FKTN: variants seen among roughly 807,000 people sequenced by gnomAD.
FKTN encodes fukutin, also known as ribitol-5-phosphate transferase FKTN.
In FKTN, 47 loss-of-function variants were observed where a neutral mutation model predicts 58.6. The observed-to-expected ratio is 0.80, with a 90% CI of 0.63 to 1.02. FKTN has a LOEUF of 1.02. Among genes scored for constraint, FKTN ranks in the 50% least tolerant of loss-of-function variants. FKTN has a pLI of 0.00. For synonymous variants in FKTN, 178 were observed against 191.9 expected (o/e 0.93, Z 0.60); for missense variants, 516 against 537.3 (o/e 0.96, Z 0.39).
intron 1 of FKTN, among the ~76,000 whole-genome samples, chr9:105,564,240 C>T (rs1838917018): frequency 6.6e-6 from 1 of 152,166 alleles, no homozygotes; most frequent in Non-Finnish European, 1.5e-5. Context: ...AATCAGAGCA[C>T]CTCTCCTCCT....
rs1588334591 is a variant in FKTN, at chr9:105,639,798, A to G, written c.*4534A>G. On this transcript the variant is annotated 3_prime_UTR_variant, in exon 11 of 11. Transcript: ENST00000357998. ...TTTCTTGGTTAAGCAGTTGTCTCCT[A>G]ATATTATCCCATATGCTACCTAGTT... The G allele has an allele frequency of 2.6e-6, 3 of 1,174,634 alleles. No homozygotes were observed. In the East Asian group the frequency reaches 1.3e-4, roughly 49 times the overall value. The allele number at this position is 1,174,634 out of a possible 1,614,324, so 72.8% of individuals were successfully genotyped here.
At chr9:105,598,940 C>G (rs1378423473) in intron 4 of FKTN, among the ~76,000 whole-genome samples, 1 of 152,020 alleles carries the variant, frequency 6.6e-6, no homozygotes, top group Non-Finnish European at 1.5e-5. Context: ...AAGACACACA[C>G]ACACACACAC....
chr9:105,560,156 TTA>T (rs1288570795), intron 1 of FKTN, among the ~76,000 whole-genome samples: 4 of 152,212 alleles, frequency 2.6e-5, no homozygotes, highest in Non-Finnish European at 5.9e-5. Context: ...CAACAAATAT[TTA>T]TATGTTTCAA....
At chr9:105,626,976 T>G (rs1385434387) in intron 10 of FKTN, among the ~76,000 whole-genome samples, 1 of 126,338 alleles carries the variant, frequency 7.9e-6, no homozygotes, top group African/African-American at 3.2e-5. Flanking sequence ...CCTTTCTTCT[T>G]TATTCTTTTT....
intron 3 of FKTN, among the ~76,000 whole-genome samples, chr9:105,593,039 G>A (rs779293154): frequency 2.6e-5 from 4 of 152,118 alleles, no homozygotes; most frequent in Non-Finnish European, 5.9e-5. Context: ...GTCTGTTCTC[G>A]AATTGCTATA....
rs1179427527 is a variant in FKTN, at chr9:105,615,405, T to C, written c.908T>C (p.Leu303Pro). The C allele has an allele frequency of 6.2e-7, 1 of 1,613,936 alleles. No homozygotes were observed. Among genetic ancestry groups the C allele is most frequent in the Non-Finnish European group, 8.5e-7 (1 of 1,179,908 alleles). ...VPFWLSSGTC[L>P]GWYRQCNIIP... The stretch of plus-strand genomic sequence containing the variant: ...TTCTGGCTGAGCAGTGGAACTTGTC[T>C]AGGTAAAATTCTTACGACTTTCCAT... Residue 303 changes from leucine (L) to proline (P), a missense_variant and splice_region_variant, in exon 8 of 11, where the codon CTA (leucine) becomes CCA (proline). Leu to Pro is a moderately conservative substitution (Grantham distance 98). Transcript: ENST00000357998.
chr9:105,614,486 G>T (rs1237708141), intron 7 of FKTN, among the ~76,000 whole-genome samples: 2 of 152,140 alleles, frequency 1.3e-5, no homozygotes, highest in African/African-American at 2.4e-5. Flanking sequence ...TATGTACATG[G>T]TCAAAGCTAA....
chr9:105,588,019 T>C (rs553950010), intron 3 of FKTN, among the ~76,000 whole-genome samples: 10 of 152,336 alleles, frequency 6.6e-5, no homozygotes, highest in Non-Finnish European at 1.0e-4. Flanking sequence ...AAGACAGTTA[T>C]TGAAGACTTA....
At position 105,615,372 on chromosome 9, in the gene FKTN, G is replaced by A; in HGVS notation, c.875G>A (p.Gly292Glu). ...GCAGCGAAAACATTAAACAAATTGG[G>A]AGTACCATTCTGGCTGAGCAGTGGA... ...QLAAKTLNKL[G>E]VPFWLSSGTC... is the part of the protein sequence containing the mutation. The change falls in exon 8 of 11, where the codon GGA (glycine) becomes GAA (glutamate). Residue 292 changes from glycine (G) to glutamate (E), a missense_variant. Coordinates refer to ENST00000357998, the MANE Select transcript of FKTN (RefSeq NM_001079802.2). 1 of 1,614,018 alleles carries A rather than the reference G, an allele frequency of 6.2e-7. No homozygotes were observed. Among genetic ancestry groups the A allele is most frequent in the Non-Finnish European group, 8.5e-7 (1 of 1,179,872 alleles).
At chr9:105,623,355 T>C (rs1490061327) in intron 10 of FKTN, 1 of 152,220 alleles carries the variant, frequency 6.6e-6, no homozygotes, top group Non-Finnish European at 1.5e-5. Flanking sequence ...CTTTATTTTA[T>C]GGATGAGCAA....
intron 3 of FKTN, among the ~76,000 whole-genome samples, chr9:105,591,247 T>C (rs1339042095): frequency 1.3e-5 from 2 of 152,240 alleles, no homozygotes; most frequent in Middle Eastern, 3.4e-3. Flanking sequence ...CAACAGTCCT[T>C]CAAAGTCTTA....
rs201570813 is a variant in FKTN, at chr9:105,607,783, C to G, written c.648-36C>G. On this transcript the variant is annotated intron_variant, in intron 6 of 10. Transcript: ENST00000357998. ...TAATGTTCTCCCTCCCTGTTTCCCC[C>G]ACCCCTCATTAATAAATCTTAACTT... The G allele has an allele frequency of 2.4e-5, 38 of 1,598,108 alleles. No individual in the cohort carries two copies. In the African/African-American group the frequency reaches 4.4e-4, roughly 19 times the overall value.
At chr9:105,594,903 A>G (rs1421498422) in intron 3 of FKTN, among the ~76,000 whole-genome samples, 1 of 152,236 alleles carries the variant, frequency 6.6e-6, no homozygotes, top group East Asian at 1.9e-4. Context: ...ATTGTGAAAC[A>G]TGAATATTTC....
intron 3 of FKTN, among the ~76,000 whole-genome samples, chr9:105,590,718 T>G (rs1844714992): frequency 6.7e-6 from 1 of 149,458 alleles, no homozygotes; most frequent in African/African-American, 2.6e-5. Context: ...AATCAGGAGT[T>G]TTTTTGTACG....
Position 105,635,627 on chromosome 9 carries a change from A to G in FKTN, c.*363A>G. The G allele has an allele frequency of 8.7e-7, 1 of 1,153,078 alleles. No homozygotes were observed. Among genetic ancestry groups the G allele is most frequent in the South Asian group, 2.1e-5 (1 of 48,512 alleles). 71.4% of individuals were successfully genotyped at this position (1,153,078 alleles called of 1,614,324 possible). ...GAAGTAATGTTTGAACTGGAAGATG[A>G]GCTCACCAGGCAAAGCTAAGGAAGG... On this transcript the variant is annotated 3_prime_UTR_variant, in exon 11 of 11. Coordinates refer to ENST00000357998, the MANE Select transcript of FKTN (RefSeq NM_001079802.2).
At chr9:105,565,928 A>T in intron 1 of FKTN, among the ~76,000 whole-genome samples, 1 of 152,214 alleles carries the variant, frequency 6.6e-6, no homozygotes, top group African/African-American at 2.4e-5. Flanking sequence ...ATGCAAAAGA[A>T]CAGAAATTAT....
intron 1 of FKTN, among the ~76,000 whole-genome samples, chr9:105,573,043 T>A (rs1306162789): frequency 6.6e-6 from 1 of 152,042 alleles, no homozygotes. Flanking sequence ...GTGACCAGCC[T>A]GACCACCACA....
At chr9:105,578,488 A>C (rs369842452) in intron 3 of FKTN, among the ~76,000 whole-genome samples, 32,862 of 129,180 alleles carry the variant, frequency 0.25, 4,314 homozygotes, top group Non-Finnish European at 0.3. Context: ...ATTTGCGTAT[A>C]TTGAACCAGC....
chr9:105,562,253 G>T (rs184511319), intron 1 of FKTN, among the ~76,000 whole-genome samples: 13 of 152,356 alleles, frequency 8.5e-5, no homozygotes, highest in Non-Finnish European at 1.6e-4. Flanking sequence ...TCTCGCCAAA[G>T]ACTTGGTGGT....
Sources: gnomAD v4.1 joint callset for allele counts (sites outside exome capture counted in the v4.1 genomes callset) on GRCh38, gnomAD v4.1.1 for gene constraint, MANE v1.5 for transcripts, NCBI Gene and HGNC (gene_info 2026-07-23, HGNC 2026-07-21) for gene names.